Variants in SOX6 observed in about 807,000 individuals in gnomAD.
The protein encoded by SOX6 is transcription factor SOX-6.
SOX6 carries 11 observed loss-of-function variants against 97.8 expected under a neutral mutation model. The ratio of observed to expected loss-of-function variants is 0.11; its 90% CI spans 0.07 to 0.19. The LOEUF is 0.19. SOX6 is among the 10% of genes least tolerant of loss of function. The pLI is 1.00. For missense variants in SOX6, 810 were observed against 1,039.5 expected (o/e 0.78, Z 3.04); for synonymous variants, 360 against 371.4 (o/e 0.97, Z 0.35).
intron 1 of SOX6, among the ~76,000 whole-genome samples, chr11:16,443,882 G>A (rs748118329): frequency 4.0e-5 from 6 of 151,870 alleles, no homozygotes; most frequent in Non-Finnish European, 8.8e-5. Flanking sequence ...GCGCGGTAGT[G>A]GGCACCTGTA....
chr11:16,596,328 G>C (rs2133975223), intron 4 of SOX6, among the ~76,000 whole-genome samples: 1 of 152,304 alleles, frequency 6.6e-6, no homozygotes, highest in Non-Finnish European at 1.5e-5. Flanking sequence ...CAATGTTCCT[G>C]ACCACAAAAC....
At chr11:16,155,540 CT>C (rs1403829768) in intron 6 of SOX6, among the ~76,000 whole-genome samples, 1 of 152,064 alleles carries the variant, frequency 6.6e-6, no homozygotes, top group East Asian at 1.9e-4. Context: ...TGTTTAACCT[CT>C]GTTAAGCCTC....
intron 4 of SOX6, among the ~76,000 whole-genome samples, chr11:16,585,681 CT>C (rs35531411): frequency 0.23 from 24,363 of 107,606 alleles, 1,800 homozygotes; most frequent in Middle Eastern, 0.34. Context: ...TTTTTTTTTA[CT>C]TTTTTTTTTT....
At chr11:16,597,800 G>A (rs1848228406) in intron 4 of SOX6, among the ~76,000 whole-genome samples, 1 of 151,962 alleles carries the variant, frequency 6.6e-6, no homozygotes, top group South Asian at 2.1e-4. Context: ...CAAATGAAAT[G>A]ACCTTTCAAA....
In SOX6 at chr11:16,600,544, C is replaced by G. The variant is rs151211414; in HGVS notation, n.609+11537G>C. On this transcript the variant is annotated intron_variant and non_coding_transcript_variant, in intron 4 of 5. Coordinates refer to the SOX6 transcript ENST00000524520. ...CACTCTTTTTTGGAGCTGAGAGAGT[C>G]TGCAGTAGATTTAAATGATATTCCA... Among the ~76,000 whole-genome samples the G allele has an allele frequency of 1.4e-4, 21 of 152,252 alleles. No individual in the cohort carries two copies. The East Asian group carries it at 4.1e-3, about 29-fold the overall frequency.
chr11:16,086,430 T>C (rs1379616048), intron 9 of SOX6, among the ~76,000 whole-genome samples: 1 of 152,112 alleles, frequency 6.6e-6, no homozygotes, highest in African/African-American at 2.4e-5. Flanking sequence ...GCCCCACAGT[T>C]CCCGCAGACT....
At chr11:16,432,702 G>T (rs1295808259) in intron 1 of SOX6, among the ~76,000 whole-genome samples, 1 of 152,000 alleles carries the variant, frequency 6.6e-6, no homozygotes, top group African/African-American at 2.4e-5. Context: ...AATTCAAAAA[G>T]TTGGGGTGAA....
At chr11:15,987,548 T>G (rs1432136631) in intron 14 of SOX6, among the ~76,000 whole-genome samples, 1 of 152,124 alleles carries the variant, frequency 6.6e-6, no homozygotes, top group Non-Finnish European at 1.5e-5. Context: ...ACACAAATAA[T>G]ATAGATTCCC....
At chr11:16,514,801 G>A (rs540634687) in intron 4 of SOX6, among the ~76,000 whole-genome samples, 1 of 149,962 alleles carries the variant, frequency 6.7e-6, no homozygotes, top group Non-Finnish European at 1.5e-5. Flanking sequence ...GCGGTGTTTG[G>A]CTTTTTGTGC....
chr11:16,097,559 T>C, intron 8 of SOX6, 50 bp downstream of exon 8: 1 of 1,513,370 alleles, frequency 6.6e-7, no homozygotes. Context: ...TTAGCAGTTT[T>C]CCACTAAAGT....
At chr11:16,485,936 G>GGGAGA (rs1327594418) in intron 4 of SOX6, among the ~76,000 whole-genome samples, 24 of 26,314 alleles carry the variant, frequency 9.1e-4, no homozygotes, top group African/African-American at 4.2e-3. Flanking sequence ...GGGAGGGGAG[G>GGGAGA]GGAGAGGAGG....
chr11:16,121,289 T>C (rs1849483876), intron 6 of SOX6, among the ~76,000 whole-genome samples: 1 of 152,026 alleles, frequency 6.6e-6, no homozygotes, highest in Non-Finnish European at 1.5e-5. Flanking sequence ...TGTCCCCTTA[T>C]TCCATAAAAT....
At chr11:16,458,752 T>C (rs1859861325) in intron 1 of SOX6, among the ~76,000 whole-genome samples, 1 of 151,878 alleles carries the variant, frequency 6.6e-6, no homozygotes, top group Admixed American at 6.6e-5. Flanking sequence ...GCAAAATACA[T>C]GAAAACAGGA....
intron 3 of SOX6, among the ~76,000 whole-genome samples, chr11:16,692,081 G>GTT (rs1384290969): frequency 1.6e-5 from 2 of 127,656 alleles, no homozygotes; most frequent in African/African-American, 3.0e-5. Flanking sequence ...GTGTGTGTGT[G>GTT]TGTGTGTGCG....
At chr11:16,522,841 A>G (rs1462972748) in intron 4 of SOX6, among the ~76,000 whole-genome samples, 2 of 152,336 alleles carry the variant, frequency 1.3e-5, no homozygotes, top group Non-Finnish European at 2.9e-5. Context: ...CTAGTCTCTG[A>G]TAAACCAGAC....
chr11:16,169,337 C>G (rs1188292551), intron 6 of SOX6, among the ~76,000 whole-genome samples: 1 of 151,958 alleles, frequency 6.6e-6, no homozygotes, highest in Non-Finnish European at 1.5e-5. Flanking sequence ...ATAAAAGTTG[C>G]AGCACAAATA....
intron 9 of SOX6, among the ~76,000 whole-genome samples, chr11:16,070,052 G>A (rs1258028734): frequency 2.0e-5 from 3 of 152,200 alleles, no homozygotes; most frequent in Non-Finnish European, 2.9e-5. Context: ...CTACTCGGGA[G>A]GTTGAGGCAG....
chr11:16,383,181 G>A (rs1298517654), intron 1 of SOX6, among the ~76,000 whole-genome samples: 1 of 151,766 alleles, frequency 6.6e-6, no homozygotes, highest in African/African-American at 2.4e-5. Flanking sequence ...ATTCTTTTAG[G>A]ATTAATTCAG....
At chr11:16,477,174 G>A (rs565862186), upstream of SOX6, among the ~76,000 whole-genome samples, 1 of 152,262 alleles carries the variant, frequency 6.6e-6, no homozygotes, top group South Asian at 2.1e-4. Context: ...TCAAAAATGT[G>A]AGCATGGCTG....
Sources: gnomAD v4.1 joint callset for allele counts (sites outside exome capture counted in the v4.1 genomes callset) on GRCh38, gnomAD v4.1.1 for gene constraint, MANE v1.5 for transcripts, NCBI Gene and HGNC (gene_info 2026-07-23, HGNC 2026-07-21) for gene names.